Variants in FARS2 observed in about 807,000 individuals in gnomAD.
FARS2 encodes phenylalanyl-tRNA synthetase 2, mitochondrial, also known as phenylalanine--tRNA ligase, mitochondrial.
FARS2 carries 40 observed loss-of-function variants against 46.4 expected under a neutral mutation model. That is an observed-to-expected ratio of 0.86 (90% CI 0.67 to 1.12). The LOEUF is 1.12. FARS2 is among the 50% of genes most tolerant of loss of function. The pLI is 0.00. For synonymous variants in FARS2, 234 were observed against 214.9 expected (o/e 1.09, Z -0.78); for missense variants, 513 against 567.9 (o/e 0.90, Z 0.98).
At chr6:5,659,521 T>C (rs183823543) in intron 6 of FARS2, among the ~76,000 whole-genome samples, 294 of 152,356 alleles carry the variant, frequency 1.9e-3, no homozygotes, top group Non-Finnish European at 3.2e-3. Flanking sequence ...CTTTGGTATA[T>C]ACTGTTTCAG....
chr6:5,427,513 C>T (rs972664322), intron 3 of FARS2, among the ~76,000 whole-genome samples: 9 of 152,014 alleles, frequency 5.9e-5, no homozygotes, highest in East Asian at 1.9e-4. Flanking sequence ...GATTTTAAAA[C>T]GAAACTGAGC....
intron 3 of FARS2, among the ~76,000 whole-genome samples, chr6:5,405,704 A>G (rs967867261): frequency 1.3e-4 from 20 of 151,894 alleles, no homozygotes; most frequent in South Asian, 8.3e-4. Context: ...GTGTTTGCCA[A>G]GATGGTCTCG....
At chr6:5,263,113 A>G (rs1254026440) in intron 1 of FARS2, among the ~76,000 whole-genome samples, 1 of 152,256 alleles carries the variant, frequency 6.6e-6, no homozygotes, top group East Asian at 1.9e-4. Context: ...TTTTAAAAAT[A>G]GCAAAGATTA....
At chr6:5,621,752 C>G (rs1329634115) in intron 6 of FARS2, among the ~76,000 whole-genome samples, 3 of 152,192 alleles carry the variant, frequency 2.0e-5, no homozygotes, top group Non-Finnish European at 4.4e-5. Context: ...AGGATAGACC[C>G]ACTCATGGTG....
rs146851882 is a variant in FARS2 at position 5,615,583 on chromosome 6, A to G, written c.1217+2263A>G. On this transcript the variant is annotated intron_variant, in intron 6 of 6. Coordinates refer to ENST00000274680, the MANE Select transcript of FARS2 (RefSeq NM_006567.5). ...TTAGCCAGAAATTTCGTATGCTCCAATGGCAACATTTTTCTGTGACTTTTC... is the reference window on the plus strand; with the variant it reads ...TTAGCCAGAAATTTCGTATGCTCCAGTGGCAACATTTTTCTGTGACTTTTC... 2.6e-3 allele frequency among the ~76,000 whole-genome samples: 399 copies of G among 152,296 alleles called. 6 individuals are homozygous for G. Among genetic ancestry groups the G allele is most frequent in the South Asian group, 0.018 (85 of 4,816 alleles).
intron 2 of FARS2, among the ~76,000 whole-genome samples, chr6:5,400,101 T>A (rs531392908): frequency 6.6e-6 from 1 of 152,320 alleles, no homozygotes; most frequent in African/African-American, 2.4e-5. Flanking sequence ...TGACTGTACT[T>A]ATTTTCCAAA....
At chr6:5,539,394 A>ATATATATATATATATATATATATG (rs1770451679) in intron 4 of FARS2, among the ~76,000 whole-genome samples, 1 of 140,554 alleles carries the variant, frequency 7.1e-6, no homozygotes, top group Non-Finnish European at 1.5e-5. Flanking sequence ...GTATATATAT[A>ATATATATATATATATATATATATG]TATATGTATA....
At chr6:5,255,371 A>G in the FARS2 span, among the ~76,000 whole-genome samples, 1 of 152,328 alleles carries the variant, frequency 6.6e-6, no homozygotes, top group Non-Finnish European at 1.5e-5. Context: ...TAAGCCAAAC[A>G]TGAAAGAGAC....
chr6:5,552,091 T>G (rs1436212729), intron 5 of FARS2, among the ~76,000 whole-genome samples: 1 of 152,194 alleles, frequency 6.6e-6, no homozygotes, highest in Admixed American at 6.5e-5. Flanking sequence ...TCATGACAGA[T>G]TGCTTGCCTT....
At chr6:5,705,124 A>C (rs1249395039) in intron 6 of FARS2, among the ~76,000 whole-genome samples, 3 of 152,228 alleles carry the variant, frequency 2.0e-5, no homozygotes, top group Non-Finnish European at 4.4e-5. Flanking sequence ...GTCATTCAAG[A>C]TGGAGAAATG....
intron 1 of FARS2, among the ~76,000 whole-genome samples, chr6:5,365,666 A>T (rs1182183050): frequency 1.3e-5 from 2 of 151,622 alleles, no homozygotes; most frequent in Admixed American, 1.3e-4. Flanking sequence ...AATGCACTTG[A>T]CCCCTGGACA....
At chr6:5,579,535 A>C (rs1169745462) in intron 5 of FARS2, among the ~76,000 whole-genome samples, 1 of 152,148 alleles carries the variant, frequency 6.6e-6, no homozygotes, top group East Asian at 1.9e-4. Context: ...CAGCCTCCCA[A>C]AGTGCTGGGA....
At chr6:5,694,644 C>G (rs1230724472) in intron 6 of FARS2, among the ~76,000 whole-genome samples, 1 of 152,052 alleles carries the variant, frequency 6.6e-6, no homozygotes, top group African/African-American at 2.4e-5. Flanking sequence ...TCTCTATGTT[C>G]TAAAGGACTC....
intron 6 of FARS2, among the ~76,000 whole-genome samples, chr6:5,761,556 G>C (rs7747725): frequency 0.18 from 27,679 of 152,156 alleles, 3,433 homozygotes; most frequent in African/African-American, 0.35. Flanking sequence ...CGATTGGGAG[G>C]CTGCCTTGTA....
At chr6:5,254,962 A>G in the FARS2 span, among the ~76,000 whole-genome samples, 1 of 152,098 alleles carries the variant, frequency 6.6e-6, no homozygotes, top group African/African-American at 2.4e-5. Context: ...AACCCCCACA[A>G]TCTGGGTTCT....
At chr6:5,398,130 T>A (rs1371779169) in intron 2 of FARS2, among the ~76,000 whole-genome samples, 1 of 152,198 alleles carries the variant, frequency 6.6e-6, no homozygotes, top group East Asian at 1.9e-4. Context: ...GTTAATAGTG[T>A]TTGCAGGAAG....
chr6:5,254,252 T>A, the FARS2 span, among the ~76,000 whole-genome samples: 2 of 152,194 alleles, frequency 1.3e-5, no homozygotes, highest in Admixed American at 6.5e-5. Flanking sequence ...ATCCGCCATA[T>A]TCATCTGACT....
At chr6:5,351,820 C>T (rs1367692873) in intron 1 of FARS2, among the ~76,000 whole-genome samples, 2 of 152,194 alleles carry the variant, frequency 1.3e-5, no homozygotes, top group Non-Finnish European at 2.9e-5. Flanking sequence ...CACATCACTG[C>T]ACCATACTTT....
intron 1 of FARS2, among the ~76,000 whole-genome samples, chr6:5,328,296 G>A (rs1162768859): frequency 6.6e-6 from 1 of 152,172 alleles, no homozygotes; most frequent in Non-Finnish European, 1.5e-5. Context: ...CCTGTTGGTT[G>A]AGAATGTTGG....
Sources: allele counts gnomAD v4.1 joint callset (sites outside exome capture counted in the v4.1 genomes callset), GRCh38; gene constraint gnomAD v4.1.1; transcripts MANE v1.5; gene names NCBI Gene and HGNC (gene_info 2026-07-23, HGNC 2026-07-21).